Variants in PCDHA4 observed in about 807,000 individuals in gnomAD.
The protein encoded by PCDHA4 is protocadherin alpha-4.
Under a neutral mutation model 61.4 loss-of-function variants are expected in PCDHA4, and 49 were observed. That is an observed-to-expected ratio of 0.80 (90% CI 0.63 to 1.01). The LOEUF is 1.01. PCDHA4 is among the 50% of genes least tolerant of loss of function. The probability of loss-of-function intolerance (pLI) is 0.00; values close to 1 mark genes in which losing one functional copy is unlikely to be tolerated. For synonymous variants in PCDHA4, 590 were observed against 550.3 expected (o/e 1.07, Z -1.01); for missense variants, 1,254 against 1,235.8 (o/e 1.01, Z -0.22).
rs1386349755 is a variant in PCDHA4 at position 140,814,836 on chromosome 5, T to C, written c.2385+5264T>C. The stretch of plus-strand genomic sequence containing the variant: ...GTATTGCTATCTATTTCTCCATTTC[T>C]GTGAATGTTTGCCTCATATATTTAG... On this transcript the variant is annotated intron_variant, in intron 1 of 3. Coordinates refer to ENST00000530339, the MANE Select transcript of PCDHA4 (RefSeq NM_018907.4). 4 of 152,238 alleles carry C rather than the reference T, an allele frequency of 2.6e-5. No individual in the cohort carries two copies. The South Asian group carries it at 8.3e-4, about 32-fold the overall frequency. The allele number at this position is 152,238 out of a possible 1,614,324, so 9.4% of individuals were successfully genotyped here. A position where few individuals can be genotyped will look rare whatever the true frequency, so the allele number is the denominator to read the frequency against.
intron 1 of PCDHA4, among the ~76,000 whole-genome samples, chr5:140,846,965 G>T (rs1780782789): frequency 6.7e-6 from 1 of 149,528 alleles, no homozygotes; most frequent in South Asian, 2.1e-4. Flanking sequence ...TGTTTCAGTG[G>T]TTTTAAAATA....
chr5:141,000,421 A>AT lies in PCDHA4; in HGVS notation c.2534-9183dup, dbSNP rs34755515. Reference sequence around the variant, plus strand: ...TATATATATATATATATATATATATATTTTTTTTTTTTTTTTTTTTTTTGA... The same window carrying AT: ...TATATATATATATATATATATATATATTTTTTTTTTTTTTTTTTTTTTTTGA... On this transcript the variant is annotated intron_variant, in intron 3 of 3. Transcript: ENST00000530339. 8.6e-3 allele frequency among the ~76,000 whole-genome samples: 241 copies of AT among 27,996 alleles called. 11 individuals carry two copies. The highest frequency in any genetic ancestry group is 9.4e-3 in the African/African-American group (53 of 5,644). The allele number at this position is 27,996 out of a possible 152,430, so 18.4% of individuals were successfully genotyped here.
chr5:140,890,737 T>C (rs926717911), intron 1 of PCDHA4, among the ~76,000 whole-genome samples: 1 of 152,240 alleles, frequency 6.6e-6, no homozygotes. Flanking sequence ...TTGACTTATA[T>C]ACTATTTCTG....
intron 1 of PCDHA4, among the ~76,000 whole-genome samples, chr5:140,940,317 A>G (rs782009825): frequency 1.5e-4 from 23 of 152,024 alleles, no homozygotes; most frequent in Non-Finnish European, 2.2e-4. Context: ...CTTTCTTCCA[A>G]TTTTACTAAT....
intron 1 of PCDHA4, chr5:140,834,326 A>G: frequency 1.4e-6 from 2 of 1,449,926 alleles, no homozygotes; most frequent in South Asian, 1.3e-5. Flanking sequence ...GGATAAAAAC[A>G]TTCCTATAAA....
intron 1 of PCDHA4, chr5:140,884,027 G>C (rs2059948411): frequency 6.2e-7 from 1 of 1,613,258 alleles, no homozygotes; most frequent in Admixed American, 1.7e-5. Context: ...GTCGGTGGGT[G>C]CAGGCCACGT....
At chr5:140,835,869 G>C (rs781933371) in intron 1 of PCDHA4, 2 of 1,612,094 alleles carry the variant, frequency 1.2e-6, no homozygotes, top group Non-Finnish European at 8.5e-7. Context: ...CTCGCTGGTG[G>C]AGCTGCGGGT....
At position 140,830,179 on chromosome 5, in the gene PCDHA4, C is replaced by T. The variant is rs2150182453; in HGVS notation, c.2385+20607C>T. The T allele has an allele frequency of 6.2e-6, 10 of 1,613,648 alleles. No homozygotes were observed. In the South Asian group the frequency reaches 9.9e-5, roughly 16 times the overall value. On this transcript the variant is annotated intron_variant, in intron 1 of 3. Transcript: ENST00000530339. ...GCCCAGAGGCGGCGCTGGTGGATGT[C>T]AACGTGTACCTGATCATCGCCATCT...
At chr5:140,875,935 G>A (rs781964808) in intron 1 of PCDHA4, 14 of 1,614,210 alleles carry the variant, frequency 8.7e-6, no homozygotes, top group African/African-American at 1.3e-5. Flanking sequence ...TTTTCCTCTA[G>A]AGGGCGCTTC....
chr5:140,849,984 C>T (rs2150461471), intron 1 of PCDHA4: 2 of 1,597,296 alleles, frequency 1.3e-6, no homozygotes, highest in Non-Finnish European at 1.7e-6. Flanking sequence ...GCTGGTGGAG[C>T]GGCGGTTGGG....
intron 1 of PCDHA4, chr5:140,967,963 A>C (rs1554230144): frequency 6.2e-7 from 1 of 1,614,210 alleles, no homozygotes; most frequent in South Asian, 1.1e-5. Context: ...CCAACCGGAA[A>C]GTGAGCCTGG....
intron 3 of PCDHA4, among the ~76,000 whole-genome samples, chr5:140,983,182 C>G (rs782457174): frequency 1.3e-5 from 2 of 152,188 alleles, no homozygotes; most frequent in Non-Finnish European, 2.9e-5. Flanking sequence ...CTCACAATTT[C>G]TTAGTTTAGA....
intron 1 of PCDHA4, among the ~76,000 whole-genome samples, chr5:140,976,011 CTAAA>C (rs2096695708): frequency 6.6e-6 from 1 of 152,110 alleles, no homozygotes; most frequent in African/African-American, 2.4e-5. Context: ...TATTAAAGAA[CTAAA>C]TAATCACAGT....
At chr5:140,890,112 T>C (rs2062493777) in intron 1 of PCDHA4, among the ~76,000 whole-genome samples, 1 of 152,184 alleles carries the variant, frequency 6.6e-6, no homozygotes, top group Non-Finnish European at 1.5e-5. Flanking sequence ...CTGGATTCAA[T>C]GATGTCACTT....
intron 1 of PCDHA4, chr5:140,875,562 G>A (rs2055601257): frequency 6.2e-7 from 1 of 1,614,120 alleles, no homozygotes; most frequent in Non-Finnish European, 8.5e-7. Context: ...GGAGCGGCCA[G>A]CTCCACTACT....
intron 2 of PCDHA4, among the ~76,000 whole-genome samples, chr5:140,981,054 G>T (rs1024298698): frequency 1.3e-5 from 2 of 152,182 alleles, no homozygotes; most frequent in Admixed American, 1.3e-4. Flanking sequence ...GATAATTCTA[G>T]AGTGTAGACA....
chr5:140,857,359 G>A lies in PCDHA4; in HGVS notation c.2385+47787G>A, dbSNP rs200721411. The A allele has an allele frequency of 2.9e-5, 46 of 1,598,282 alleles. 7 individuals carry two copies. The highest frequency in any genetic ancestry group is 3.8e-5 in the Non-Finnish European group (44 of 1,167,900). ...GGGGCTCGCCTCCGCTGTGGGCCAC[G>A]GCCAGCGTGTCTGTGGAGGTGGCCG... On this transcript the variant is annotated intron_variant, in intron 1 of 3. Coordinates refer to ENST00000530339, the MANE Select transcript of PCDHA4 (RefSeq NM_018907.4).
chr5:140,869,247 C>T (rs1186478553), intron 1 of PCDHA4: 8 of 1,613,526 alleles, frequency 5.0e-6, no homozygotes, highest in Middle Eastern at 1.7e-4. Flanking sequence ...TGGGCCGCAT[C>T]GCGCAGGACC....
chr5:140,979,514 C>G lies in PCDHA4; in HGVS notation c.2444+507C>G, dbSNP rs75440413. On this transcript the variant is annotated intron_variant, in intron 2 of 3. Transcript: ENST00000530339. Reference sequence around the variant, plus strand: ...ATTAGAGCCTCCTCATCTTTCCCATCTGTTGCTATCTTATTGTCATCAATG... The same window carrying G: ...ATTAGAGCCTCCTCATCTTTCCCATGTGTTGCTATCTTATTGTCATCAATG... 4.7e-4 allele frequency among the ~76,000 whole-genome samples: 71 copies of G among 152,274 alleles called. 1 individual carries two copies. In the East Asian group the frequency reaches 0.014, roughly 29 times the overall value.
Sources: allele counts gnomAD v4.1 joint callset (sites outside exome capture counted in the v4.1 genomes callset), GRCh38; gene constraint gnomAD v4.1.1; transcripts MANE v1.5; gene names NCBI Gene and HGNC (gene_info 2026-07-23, HGNC 2026-07-21).